DLK1: variants seen among roughly 807,000 people sequenced by gnomAD.
DLK1 encodes delta like non-canonical Notch ligand 1, also known as protein delta homolog 1.
In DLK1, 9 loss-of-function variants were observed where a neutral mutation model predicts 35.2. The observed-to-expected ratio is 0.26, with a 90% CI of 0.15 to 0.45. The LOEUF (loss-of-function observed/expected upper bound fraction) is 0.45, where lower values mean the gene tolerates loss of function less well. Among genes scored for constraint, DLK1 ranks in the 20% least tolerant of loss-of-function variants. The pLI, the probability that DLK1 is intolerant of heterozygous loss-of-function variation, is 1.00. For synonymous variants in DLK1, 231 were observed against 228.4 expected (o/e 1.01, Z -0.10); for missense variants, 522 against 528.5 (o/e 0.99, Z 0.12).
At chr14:100,727,259 A>T (rs2036446752) in intron 1 of DLK1, 124 bp downstream of exon 1, 2 of 1,025,344 alleles carry the variant, frequency 2.0e-6, no homozygotes, top group East Asian at 3.2e-5. Context: ...CCTAGCCCTA[A>T]GCCCCGCGCT....
chr14:100,728,697 T>C, intron 2 of DLK1: 3 of 635,056 alleles, frequency 4.7e-6, no homozygotes, highest in Non-Finnish European at 8.1e-6. Context: ...TGCAGGCCAC[T>C]GCGGCAAAAC....
rs2036571543 is a variant in DLK1 at position 100,736,323 on chromosome 14, A to G, written c.*1427A>G. 1 of 151,968 alleles carries G rather than the reference A, an allele frequency of 6.6e-6. No homozygotes were observed. Among genetic ancestry groups the G allele is most frequent in the African/African-American group, 2.4e-5 (1 of 41,330 alleles). The allele number at this position is 151,968 out of a possible 1,614,324, so 9.4% of individuals were successfully genotyped here. The stretch of plus-strand genomic sequence containing the variant: ...ATATTTTGCTTCTTAGATTATTTGG[A>G]TAAGAATCTATACTCTTAGCTTTAT... On this transcript the variant is annotated 3_prime_UTR_variant, in exon 5 of 5. Coordinates refer to ENST00000341267, the MANE Select transcript of DLK1 (RefSeq NM_003836.7).
At position 100,734,135 on chromosome 14, in the gene DLK1, C is replaced by T. The variant is rs1331386008; in HGVS notation, c.405-14C>T. The T allele has an allele frequency of 1.2e-5, 19 of 1,589,956 alleles. No homozygotes were observed. The highest frequency in any genetic ancestry group is 1.5e-5 in the Non-Finnish European group (17 of 1,168,742). On this transcript the variant is annotated splice_polypyrimidine_tract_variant and intron_variant, in intron 4 of 4. Coordinates refer to ENST00000341267, the MANE Select transcript of DLK1 (RefSeq NM_003836.7). The surrounding 1 kb of genome is among the most constrained non-coding windows in gnomAD (Gnocchi z 7.4). ...GCCCCTGAGGCCGTTTACTATGTCCCTGTTGTGTTGCAGCTCCCCCTGCCA... is the reference window on the plus strand; with the variant it reads ...GCCCCTGAGGCCGTTTACTATGTCCTTGTTGTGTTGCAGCTCCCCCTGCCA...
chr14:100,735,089 T>A lies in DLK1; in HGVS notation c.*193T>A. The A allele has an allele frequency of 2.0e-6, 1 of 499,510 alleles. No individual in the cohort carries two copies. Among genetic ancestry groups the A allele is most frequent in the East Asian group, 3.4e-5 (1 of 29,686 alleles). The allele number at this position is 499,510 out of a possible 1,614,324, so 30.9% of individuals were successfully genotyped here. On this transcript the variant is annotated 3_prime_UTR_variant, in exon 5 of 5. Coordinates refer to ENST00000341267, the MANE Select transcript of DLK1 (RefSeq NM_003836.7). ...AATCCTCTTTCTCTCTCTTAATGCA[T>A]GATACAGAATAATAATAAGAATTTC... is the stretch of plus-strand genomic sequence containing the variant.
intron 3 of DLK1, among the ~76,000 whole-genome samples, chr14:100,729,470 C>T (rs561642677): frequency 5.9e-5 from 9 of 151,660 alleles, no homozygotes; most frequent in Non-Finnish European, 1.0e-4. Context: ...GAAAAGCACA[C>T]GCAAGACTGT....
intron 3 of DLK1, among the ~76,000 whole-genome samples, chr14:100,730,248 G>A (rs1337493887): frequency 6.6e-6 from 1 of 152,214 alleles, no homozygotes. Context: ...GCTCTGAGTC[G>A]TTTGAGGATC....
At chr14:100,731,393 T>C (rs2036505083) in intron 3 of DLK1, among the ~76,000 whole-genome samples, 1 of 152,206 alleles carries the variant, frequency 6.6e-6, no homozygotes, top group Admixed American at 6.5e-5. Context: ...ATAGTTCTAA[T>C]TTCCCTGGCT....
At chr14:100,731,861 C>A (rs1264675714) in intron 3 of DLK1, among the ~76,000 whole-genome samples, 181 bp from the exon 4 acceptor site, 2 of 152,150 alleles carry the variant, frequency 1.3e-5, no homozygotes, top group Non-Finnish European at 2.9e-5. Context: ...GCAAGGAAAC[C>A]CCTTCAGCTT....
chr14:100,734,388 G>C lies in DLK1; in HGVS notation c.644G>C (p.Ser215Thr). Residue 215 changes from serine (S) to threonine (T), a missense_variant, in exon 5 of 5, where the codon AGC becomes ACC. Transcript: ENST00000341267. The surrounding 1 kb of genome is among the most constrained non-coding windows in gnomAD (Gnocchi z 7.4). ...CSRPVTNCASSPCQNGGTCLQ... is the reference protein window; with the variant it reads ...CSRPVTNCASTPCQNGGTCLQ... ...CGCCCGGTGACCAACTGCGCCAGCA[G>C]CCCGTGCCAGAACGGGGGCACCTGC... is the stretch of plus-strand genomic sequence containing the variant. The C allele has an allele frequency of 6.2e-7, 1 of 1,611,792 alleles. No individual in the cohort carries two copies. Among genetic ancestry groups the C allele is most frequent in the Non-Finnish European group, 8.5e-7 (1 of 1,179,122 alleles).
chr14:100,727,149 C>G lies in DLK1; in HGVS notation c.67+14C>G, dbSNP rs748378087. On this transcript the variant is annotated intron_variant, in intron 1 of 4. Coordinates refer to ENST00000341267, the MANE Select transcript of DLK1 (RefSeq NM_003836.7). ...ACAGCACCTATGGTGAGTTCCCCGG[C>G]GGCCCGGCTCGCGCCCCCTCTGGGG... 6 of 1,560,768 alleles carry G rather than the reference C, an allele frequency of 3.8e-6. No individual in the cohort carries two copies. Among genetic ancestry groups the G allele is most frequent in the Non-Finnish European group, 5.2e-6 (6 of 1,153,818 alleles).
chr14:100,736,039 G>T lies in DLK1; in HGVS notation c.*1143G>T, dbSNP rs1196203195. 6.6e-6 allele frequency: 1 copy of T among 152,184 alleles called. No homozygotes were observed. The highest frequency in any genetic ancestry group is 2.4e-5 in the African/African-American group (1 of 41,440). The allele number at this position is 152,184 out of a possible 1,614,324, so 9.4% of individuals were successfully genotyped here. On this transcript the variant is annotated 3_prime_UTR_variant, in exon 5 of 5. Coordinates refer to ENST00000341267, the MANE Select transcript of DLK1 (RefSeq NM_003836.7). The stretch of plus-strand genomic sequence containing the variant: ...ATTAGTGGAAATTGTCACTTGTGGG[G>T]CGCTTACTAGTTTTGTGGCAAATGT...
At chr14:100,730,784 T>C (rs1246140852) in intron 3 of DLK1, among the ~76,000 whole-genome samples, 1 of 152,184 alleles carries the variant, frequency 6.6e-6, no homozygotes, top group East Asian at 1.9e-4. Flanking sequence ...TAAAGATAAA[T>C]CCTCTTTATG....
In DLK1 at chr14:100,734,654, G is replaced by A. The variant is rs1431091065; in HGVS notation, c.910G>A (p.Ala304Thr). ...AACCCCTCTCCTCACCGAGGGCCAG[G>A]CCATCTGCTTCACCATCCTGGGCGT... ...KKTPLLTEGQ[A>T]ICFTILGVLT... Residue 304 changes from alanine to threonine, a missense_variant, in exon 5 of 5, where the codon GCC (alanine) becomes ACC (threonine). Ala to Thr is a moderately conservative substitution (Grantham distance 58, BLOSUM62 0). Coordinates refer to ENST00000341267, the MANE Select transcript of DLK1 (RefSeq NM_003836.7). This position sits in a 1 kb window ranked among gnomAD's most constrained non-coding sequence, Gnocchi z 7.4. The A allele has an allele frequency of 4.3e-6, 7 of 1,613,880 alleles. No individual in the cohort carries two copies. The African/African-American group carries it at 8.0e-5, about 18-fold the overall frequency.
In DLK1 at chr14:100,736,494, CAAT is replaced by C. The variant is rs1263340392; in HGVS notation, c.*1600_*1602del. ...GGTCACCTGCGCCATCGTCATGACA[CAAT>C]ATCGACCTCATCACCTCATCGTCCT... is the stretch of plus-strand genomic sequence containing the variant. On this transcript the variant is annotated 3_prime_UTR_variant, in exon 5 of 5. Transcript: ENST00000341267. 1.3e-5 allele frequency: 2 copies of C among 152,188 alleles called. No homozygotes were observed. Among genetic ancestry groups the C allele is most frequent in the African/African-American group, 4.8e-5 (2 of 41,326 alleles). 9.4% of individuals were successfully genotyped at this position (152,188 alleles called of 1,614,324 possible). A position where few individuals can be genotyped will look rare whatever the true frequency, so the allele number is the denominator to read the frequency against.
chr14:100,735,203 A>C lies in DLK1; in HGVS notation c.*307A>C. 3.8e-6 allele frequency: 1 copy of C among 261,484 alleles called. No homozygotes were observed. Among genetic ancestry groups the C allele is most frequent in the Non-Finnish European group, 7.1e-6 (1 of 141,776 alleles). The allele number at this position is 261,484 out of a possible 1,614,324, so 16.2% of individuals were successfully genotyped here. ...AAAAAGACCAAAAAAAAACAAGGCA[A>C]CAGAACCAGGGCTCAGTGCCGACGC... On this transcript the variant is annotated 3_prime_UTR_variant, in exon 5 of 5. Coordinates refer to ENST00000341267, the MANE Select transcript of DLK1 (RefSeq NM_003836.7).
At chr14:100,728,313 T>C in intron 1 of DLK1, 83 bp from the exon 2 acceptor site, 1 of 1,492,442 alleles carries the variant, frequency 6.7e-7, no homozygotes, top group Non-Finnish European at 9.3e-7. Flanking sequence ...TCGAGGGCAG[T>C]GGTGGGCTGT....
chr14:100,727,191 G>A, intron 1 of DLK1, 56 bp downstream of exon 1: 1 of 1,481,160 alleles, frequency 6.8e-7, no homozygotes, highest in Admixed American at 2.2e-5. Flanking sequence ...GCGACTCCCC[G>A]CCGGCCGCCC....
Position 100,734,821 on chromosome 14 carries a change from G to T in DLK1, c.1077G>T (p.Leu359=). Residue 359 remains leucine (L), a synonymous_variant, in exon 5 of 5, where the codon CTG becomes CTT. Transcript: ENST00000341267. This position sits in a 1 kb window ranked among gnomAD's most constrained non-coding sequence, Gnocchi z 7.4. ...LLLQYNSGED[L]AVNIIFPEKI... ...TTCAGTACAACAGCGGGGAGGACCT[G>T]GCCGTCAACATCATCTTCCCCGAGA... 1.2e-6 allele frequency: 2 copies of T among 1,613,484 alleles called. No individual in the cohort carries two copies. Among genetic ancestry groups the T allele is most frequent in the Non-Finnish European group, 1.7e-6 (2 of 1,179,876 alleles).
chr14:100,733,570 C>A (rs1232347800), intron 4 of DLK1, among the ~76,000 whole-genome samples: 1 of 151,524 alleles, frequency 6.6e-6, no homozygotes, highest in South Asian at 2.1e-4. Flanking sequence ...ATCCACACCG[C>A]TAATAATAAT....
Sources: gnomAD v4.1 joint callset for allele counts (sites outside exome capture counted in the v4.1 genomes callset) on GRCh38, gnomAD v4.1.1 for gene constraint, Gnocchi (gnomAD v3.1) non-coding constraint, MANE v1.5 for transcripts, NCBI Gene and HGNC (gene_info 2026-07-23, HGNC 2026-07-21) for gene names.